GLB1: variants seen among roughly 807,000 people sequenced by gnomAD.
GLB1 encodes the protein galactosidase beta 1.
Under a neutral mutation model 74.0 loss-of-function variants are expected in GLB1, and 56 were observed. The observed-to-expected ratio is 0.76, with a 90% CI of 0.61 to 0.94. The LOEUF is 0.94. Ranked by LOEUF, GLB1 falls within the 40% of genes least tolerant of loss-of-function variation. The pLI, the probability that GLB1 is intolerant of heterozygous loss-of-function variation, is 0.00. For synonymous variants in GLB1, 323 were observed against 323.6 expected (o/e 1.00, Z 0.02); for missense variants, 787 against 845.5 (o/e 0.93, Z 0.86).
chr3:33,016,863 A>C, intron 13 of GLB1, 23 bp from the exon 14 acceptor site: 1 of 1,613,008 alleles, frequency 6.2e-7, no homozygotes, highest in Non-Finnish European at 8.5e-7. Flanking sequence ...AGACCAAATG[A>C]CAATTGAATT....
chr3:32,979,397 A>G, the GLB1 span, among the ~76,000 whole-genome samples: 1 of 151,966 alleles, frequency 6.6e-6, no homozygotes, highest in African/African-American at 2.4e-5. Context: ...AAAATAAAAA[A>G]CTGTTGACTT....
At chr3:33,021,755 C>T (rs1260765588) in intron 11 of GLB1, 100 bp from the exon 12 acceptor site, 1 of 1,348,870 alleles carries the variant, frequency 7.4e-7, no homozygotes, top group Non-Finnish European at 1.0e-6. Context: ...TGGGTTTGAC[C>T]AAACCCCTAA....
intron 14 of GLB1, among the ~76,000 whole-genome samples, chr3:33,016,423 C>A (rs1575412700): frequency 6.6e-6 from 1 of 152,280 alleles, no homozygotes; most frequent in East Asian, 1.9e-4. Context: ...GTGGCATGAT[C>A]ATAGGTCATT....
At chr3:32,995,490 A>G (rs1171497254), downstream of GLB1, among the ~76,000 whole-genome samples, 1 of 152,048 alleles carries the variant, frequency 6.6e-6, no homozygotes, top group African/African-American at 2.4e-5. Context: ...CTATGGAAAA[A>G]CGTCCTTAAC....
the GLB1 span, among the ~76,000 whole-genome samples, chr3:32,971,740 G>C: frequency 2.0e-5 from 3 of 152,136 alleles, no homozygotes; most frequent in Admixed American, 6.5e-5. Context: ...ATGGAGAAAC[G>C]CCCAGAACGA....
At chr3:33,034,776 C>G in intron 10 of GLB1, 1 of 644,414 alleles carries the variant, frequency 1.6e-6, no homozygotes. Context: ...TCTGTGTCAG[C>G]TTCAGTCATA....
Position 33,093,221 on chromosome 3 carries a change from A to G in GLB1, c.75+3790T>C, listed in dbSNP as rs1409463801. ...CCCCAGCCAAGCAGATCCAGTCCTC[A>G]TCCTCACTCCCACTGCCACTGCCAC... On this transcript the variant is annotated intron_variant, in intron 1 of 15. Coordinates refer to ENST00000307363, the MANE Select transcript of GLB1 (RefSeq NM_000404.4). This position sits in a 1 kb window ranked among gnomAD's most constrained non-coding sequence, Gnocchi z 6.0. The G allele has an allele frequency of 3.7e-6, 6 of 1,613,828 alleles. No homozygotes were observed. In the African/African-American group the frequency reaches 8.0e-5, roughly 22 times the overall value.
At chr3:32,984,441 A>C in the GLB1 span, among the ~76,000 whole-genome samples, 1 of 152,176 alleles carries the variant, frequency 6.6e-6, no homozygotes, top group Admixed American at 6.5e-5. Flanking sequence ...AAACCCTTCC[A>C]AACAGAGTTT....
intron 10 of GLB1, among the ~76,000 whole-genome samples, chr3:33,039,014 G>A (rs558676210): frequency 6.6e-5 from 10 of 152,090 alleles, no homozygotes; most frequent in Non-Finnish European, 1.3e-4. Context: ...AGCCAGGGCC[G>A]GGCGTAGTGG....
intron 13 of GLB1, 60 bp downstream of exon 13, chr3:33,018,388 G>A (rs1259984008): frequency 5.4e-6 from 8 of 1,486,512 alleles, no homozygotes; most frequent in South Asian, 3.4e-5. Flanking sequence ...GTTAACAAGT[G>A]CAGGCTGCTC....
the GLB1 span, among the ~76,000 whole-genome samples, chr3:32,969,173 T>A: frequency 6.6e-6 from 1 of 152,156 alleles, no homozygotes; most frequent in African/African-American, 2.4e-5. Context: ...GGGTATGCAG[T>A]GGTGACTTTG....
chr3:33,064,693 CCTGA>C (rs1168121151), intron 5 of GLB1, among the ~76,000 whole-genome samples: 2 of 142,422 alleles, frequency 1.4e-5, no homozygotes, highest in Non-Finnish European at 3.0e-5. Flanking sequence ...GGGAGAATTG[CCTGA>C]ACTCAGAAGG....
the GLB1 span, among the ~76,000 whole-genome samples, chr3:32,970,675 G>A: frequency 4.6e-5 from 7 of 152,148 alleles, no homozygotes; most frequent in South Asian, 2.1e-4. Context: ...CACCATAGCC[G>A]GCTGAAACCA....
chr3:33,018,388 G>T, intron 13 of GLB1, 60 bp downstream of exon 13: 1 of 1,486,560 alleles, frequency 6.7e-7, no homozygotes, highest in Non-Finnish European at 9.2e-7. Context: ...GTTAACAAGT[G>T]CAGGCTGCTC....
chr3:33,055,759 G>A (rs565227753), intron 6 of GLB1, among the ~76,000 whole-genome samples: 3 of 150,512 alleles, frequency 2.0e-5, no homozygotes, highest in Non-Finnish European at 1.5e-5. Flanking sequence ...GAGGCACTGC[G>A]CTGGGCCCGT....
intron 12 of GLB1, among the ~76,000 whole-genome samples, chr3:33,020,400 G>T (rs1231429668): frequency 6.6e-6 from 1 of 152,100 alleles, no homozygotes; most frequent in Non-Finnish European, 1.5e-5. Flanking sequence ...CAAAACATGG[G>T]GCTGAGATCC....
At position 33,074,800 on chromosome 3, in the gene GLB1, T is replaced by C. The variant is rs74691759; in HGVS notation, c.76-2087A>G. ...ACTAGCTCTAGTCACAGTAGCATCA[T>C]AGTCCATGGTGGCTTTGGGGGTTGC... On this transcript the variant is annotated intron_variant, in intron 1 of 15. Transcript: ENST00000307363. Among the ~76,000 whole-genome samples, 619 of 152,326 alleles carry C rather than the reference T, an allele frequency of 4.1e-3. 7 individuals carry two copies. The highest frequency in any genetic ancestry group is 0.014 in the African/African-American group (575 of 41,576).
chr3:33,037,485 AAG>A (rs2125500374), intron 10 of GLB1, among the ~76,000 whole-genome samples: 2 of 152,346 alleles, frequency 1.3e-5, no homozygotes, highest in East Asian at 3.9e-4. Flanking sequence ...TAGTCTATAA[AAG>A]AAACAAGTCC....
At position 32,997,190 on chromosome 3, in the gene GLB1, T is replaced by A; in HGVS notation, c.1889A>T (p.Asp630Val). Residue 630 changes from aspartate to valine, a missense_variant, in exon 16 of 16, where the codon GAT becomes GTT. Asp to Val is a radical substitution (Grantham distance 152). Coordinates refer to ENST00000307363, the MANE Select transcript of GLB1 (RefSeq NM_000404.4). ...ELEWAPCSSD[D>V]PELCAVTFVD... Reference sequence around the variant, plus strand: ...GAACGTCACAGCACATAGTTCTGGATCATCACTGCTGCAGGGTGCCCACTC... The same window carrying A: ...GAACGTCACAGCACATAGTTCTGGAACATCACTGCTGCAGGGTGCCCACTC... 6.2e-7 allele frequency: 1 copy of A among 1,614,128 alleles called. No individual in the cohort carries two copies. Among genetic ancestry groups the A allele is most frequent in the South Asian group, 1.1e-5 (1 of 91,076 alleles).
Sources: gnomAD v4.1 joint callset for allele counts (sites outside exome capture counted in the v4.1 genomes callset) on GRCh38, gnomAD v4.1.1 for gene constraint, Gnocchi (gnomAD v3.1) non-coding constraint, MANE v1.5 for transcripts, NCBI Gene and HGNC (gene_info 2026-07-23, HGNC 2026-07-21) for gene names.